The following SORCS3 variants were observed in gnomAD, a reference collection of about 807,000 sequenced individuals.
The protein encoded by SORCS3 is sortilin related VPS10 domain containing receptor 3, also known as VPS10 domain-containing receptor SorCS3.
A neutral mutation model predicts 146.3 loss-of-function variants in SORCS3; 57 were observed. The ratio of observed to expected loss-of-function variants is 0.39; its 90% confidence interval spans 0.31 to 0.49. The LOEUF (loss-of-function observed/expected upper bound fraction) is 0.49. SORCS3 is among the 20% of genes least tolerant of loss of function. The pLI is 0.92. For missense variants in SORCS3, 1,341 were observed against 1,575.5 expected, an observed-to-expected ratio of 0.85 and a Z score of 2.52; for synonymous variants, 653 against 618.5, an observed-to-expected ratio of 1.06 and a Z score of -0.83.
At chr10:104,810,993 T>C (rs868800257) in intron 1 of SORCS3, among the ~76,000 whole-genome samples, 2 of 152,178 alleles carry the variant, frequency 1.3e-5, no homozygotes, top group Non-Finnish European at 2.9e-5. Flanking sequence ...TTGTACTGTA[T>C]GTAAATTTAA....
chr10:105,228,866 C>A (rs1191882829), intron 20 of SORCS3, among the ~76,000 whole-genome samples: 2 of 152,134 alleles, frequency 1.3e-5, no homozygotes, highest in Non-Finnish European at 2.9e-5. Context: ...ACTATCGGAG[C>A]CTTCTGAATC....
intron 7 of SORCS3, among the ~76,000 whole-genome samples, chr10:105,126,897 G>A (rs372065756): frequency 2.6e-5 from 4 of 152,120 alleles, no homozygotes; most frequent in South Asian, 2.1e-4. Flanking sequence ...TGAGTACCAT[G>A]GCATTATTAC....
intron 13 of SORCS3, among the ~76,000 whole-genome samples, chr10:105,168,534 A>C (rs2056333700): frequency 6.6e-6 from 1 of 152,176 alleles, no homozygotes; most frequent in Admixed American, 6.6e-5. Flanking sequence ...GGTCGGATTC[A>C]CATGGGCAGC....
At chr10:105,000,123 C>G (rs2055052240) in intron 4 of SORCS3, among the ~76,000 whole-genome samples, 2 of 151,978 alleles carry the variant, frequency 1.3e-5, no homozygotes, top group Admixed American at 6.6e-5. Context: ...ATAAATGTCC[C>G]AAGCCAACAA....
At position 105,077,668 on chromosome 10, in the gene SORCS3, T is replaced by C. The variant is rs140408971; in HGVS notation, c.1029-12107T>C. 2.3e-3 allele frequency among the ~76,000 whole-genome samples: 345 copies of C among 152,310 alleles called. 3 individuals are homozygous for C. The highest frequency in any genetic ancestry group is 7.9e-3 in the African/African-American group (330 of 41,556). On this transcript the variant is annotated intron_variant, in intron 5 of 26. Coordinates refer to ENST00000369701, the MANE Select transcript of SORCS3 (RefSeq NM_014978.3). ...GAGTGATCTCTTTTTGTCTCTTGTCTCTGCTTCGCTCTTCTATCTGGAAGA... is the reference window on the plus strand; with the variant it reads ...GAGTGATCTCTTTTTGTCTCTTGTCCCTGCTTCGCTCTTCTATCTGGAAGA...
intron 1 of SORCS3, among the ~76,000 whole-genome samples, chr10:104,742,557 T>C (rs2016860782): frequency 1.3e-5 from 2 of 152,164 alleles, no homozygotes; most frequent in African/African-American, 4.8e-5. Context: ...ACTCCAGGAA[T>C]TTGACTCAGT....
intron 1 of SORCS3, among the ~76,000 whole-genome samples, chr10:104,651,418 A>G (rs1238704551): frequency 6.6e-6 from 1 of 151,962 alleles, no homozygotes; most frequent in Non-Finnish European, 1.5e-5. Context: ...CTATTTTAAC[A>G]TAAGAATGTT....
chr10:105,096,620 A>G (rs1380367628), intron 6 of SORCS3, among the ~76,000 whole-genome samples: 1 of 152,160 alleles, frequency 6.6e-6, no homozygotes, highest in Non-Finnish European at 1.5e-5. Context: ...CTGAGGAGTG[A>G]CCGAAGGCTG....
intron 1 of SORCS3, among the ~76,000 whole-genome samples, chr10:104,739,748 A>G (rs779419490): frequency 7.2e-5 from 11 of 152,196 alleles, no homozygotes; most frequent in Non-Finnish European, 5.9e-5. Flanking sequence ...TAGTGGGGCA[A>G]GTGAAATCAC....
intron 1 of SORCS3, among the ~76,000 whole-genome samples, chr10:104,767,123 C>T (rs1359044285): frequency 1.3e-5 from 2 of 152,190 alleles, no homozygotes; most frequent in African/African-American, 4.8e-5. Flanking sequence ...TCCTTGCCTT[C>T]TGATTAAATG....
chr10:105,002,116 G>T (rs76441266), intron 4 of SORCS3, among the ~76,000 whole-genome samples: 46 of 152,218 alleles, frequency 3.0e-4, no homozygotes, highest in African/African-American at 1.1e-3. Flanking sequence ...GCCCAGGTAG[G>T]CCCCAGGTGA....
chr10:104,862,336 G>A lies in SORCS3; in HGVS notation c.695+19477G>A, dbSNP rs934051702. Among the ~76,000 whole-genome samples the A allele has an allele frequency of 2.0e-4, 30 of 152,308 alleles. No individual in the cohort carries two copies. In the South Asian group the frequency reaches 2.9e-3, roughly 15 times the overall value. ...TTTTCAAGGAGCCAGAGTAAGTCAA[G>A]AGTGGCCCAGAGTGTGGGAGGTGGC... On this transcript the variant is annotated intron_variant, in intron 2 of 26. Transcript: ENST00000369701.
At chr10:105,161,143 A>G (rs2056258546) in intron 11 of SORCS3, among the ~76,000 whole-genome samples, 1 of 152,064 alleles carries the variant, frequency 6.6e-6, no homozygotes, top group Admixed American at 6.5e-5. Flanking sequence ...ATTTCTTTTT[A>G]TCTCCCCTTG....
At chr10:105,261,835 G>A (rs1002626989) in intron 25 of SORCS3, among the ~76,000 whole-genome samples, 5 of 152,060 alleles carry the variant, frequency 3.3e-5, no homozygotes, top group Admixed American at 3.3e-4. Context: ...AAGTATTTAA[G>A]GTACTTATCC....
chr10:105,229,774 C>G (rs1328296391), intron 20 of SORCS3, among the ~76,000 whole-genome samples: 1 of 152,080 alleles, frequency 6.6e-6, no homozygotes, highest in Non-Finnish European at 1.5e-5. Context: ...TATTTAGGGG[C>G]CTCAGAGCAG....
At chr10:105,244,570 A>G (rs939198967) in intron 20 of SORCS3, among the ~76,000 whole-genome samples, 24 of 152,252 alleles carry the variant, frequency 1.6e-4, no homozygotes, top group African/African-American at 5.8e-4. Context: ...TTCTGTCTTC[A>G]TCCTTGAGAA....
At chr10:104,667,299 TTC>T (rs1460542728) in intron 1 of SORCS3, among the ~76,000 whole-genome samples, 22 of 149,944 alleles carry the variant, frequency 1.5e-4, no homozygotes, top group Non-Finnish European at 1.1e-4. Flanking sequence ...TCAGCTGCTT[TTC>T]TCTGCCTATG....
rs2055347891 is a variant in SORCS3, at chr10:105,043,060, C to A, written c.960C>A (p.Tyr320Ter). ...VLAYSLDQKL[Y>*]SSMDFGRRWQ... ...CTCACTTCATTGTTTTGCAGCTCTACAGCTCCATGGACTTTGGAAGACGGT... is the reference window on the plus strand; with the variant it reads ...CTCACTTCATTGTTTTGCAGCTCTAAAGCTCCATGGACTTTGGAAGACGGT... Residue 320 changes from tyrosine to a stop codon, truncating the protein, a stop_gained, in exon 5 of 27, where the codon TAC (tyrosine) becomes TAA (stop). Coordinates refer to ENST00000369701, the MANE Select transcript of SORCS3 (RefSeq NM_014978.3). LOFTEE classifies it high-confidence loss of function. 1 of 1,613,558 alleles carries A rather than the reference C, an allele frequency of 6.2e-7. No homozygotes were observed. Among genetic ancestry groups the A allele is most frequent in the African/African-American group, 1.3e-5 (1 of 74,878 alleles).
At chr10:104,671,325 CTTTTTTTTTTTTT>C (rs771029154) in intron 1 of SORCS3, among the ~76,000 whole-genome samples, 235 of 19,222 alleles carry the variant, frequency 0.012, 13 homozygotes, top group African/African-American at 0.042. Context: ...CATTCTTTTC[CTTTTTTTTTTTTT>C]TTTTTTTTTT....
Sources: allele counts gnomAD v4.1 joint callset (sites outside exome capture counted in the v4.1 genomes callset), GRCh38; gene constraint gnomAD v4.1.1; transcripts MANE v1.5; gene names NCBI Gene and HGNC (gene_info 2026-07-23, HGNC 2026-07-21).